The following MPRIP variants were observed in gnomAD, a reference collection of about 807,000 sequenced individuals.
MPRIP encodes myosin phosphatase Rho interacting protein.
MPRIP carries 59 observed loss-of-function variants against 234.9 expected under a neutral mutation model. That is an observed-to-expected ratio of 0.25 (90% CI 0.20 to 0.31). MPRIP has a LOEUF of 0.31. MPRIP is among the 10% of genes least tolerant of loss of function. MPRIP has a pLI of 1.00. For synonymous variants in MPRIP, 1,144 were observed against 1,263.9 expected (o/e 0.91, Z 2.01); for missense variants, 2,436 against 3,071.0 (o/e 0.79, Z 4.89).
chr17:17,056,565 C>T (rs889101875), intron 1 of MPRIP, among the ~76,000 whole-genome samples: 1 of 149,764 alleles, frequency 6.7e-6, no homozygotes, highest in Non-Finnish European at 1.5e-5. Context: ...GCCCTGCTGT[C>T]CCCGTGCTAT....
chr17:17,107,124 C>T (rs938068790), intron 3 of MPRIP, among the ~76,000 whole-genome samples: 7 of 152,250 alleles, frequency 4.6e-5, no homozygotes, highest in African/African-American at 1.4e-4. Context: ...CCTTTGGAAA[C>T]GTAGCCTGGA....
chr17:17,101,118 T>C (rs554159769), intron 3 of MPRIP, among the ~76,000 whole-genome samples: 38 of 152,286 alleles, frequency 2.5e-4, no homozygotes, highest in African/African-American at 8.9e-4. Flanking sequence ...AGGGGAACCT[T>C]CTGCCATGTC....
At chr17:17,070,628 G>T (rs2144003689) in intron 1 of MPRIP, among the ~76,000 whole-genome samples, 3 of 152,128 alleles carry the variant, frequency 2.0e-5, no homozygotes. Context: ...CTATTTCTTT[G>T]CTGTCTTTCC....
intron 8 of MPRIP, among the ~76,000 whole-genome samples, chr17:17,143,231 GTC>G (rs1202405475): frequency 6.6e-6 from 1 of 152,180 alleles, no homozygotes; most frequent in Non-Finnish European, 1.5e-5. Context: ...AGTGCCTACT[GTC>G]TGGCCCACAG....
At chr17:17,141,246 C>G (rs1415793343) in intron 7 of MPRIP, among the ~76,000 whole-genome samples, 1 of 152,208 alleles carries the variant, frequency 6.6e-6, no homozygotes, top group Non-Finnish European at 1.5e-5. Context: ...TTGAATCTCA[C>G]CAAGATCCCA....
chr17:17,142,352 CTG>C (rs1488983696), intron 7 of MPRIP: 1 of 356,840 alleles, frequency 2.8e-6, no homozygotes, highest in Non-Finnish European at 5.2e-6. Flanking sequence ...GGGTGCCAAG[CTG>C]TGTGAATGCC....
At chr17:17,099,984 C>T in intron 3 of MPRIP, among the ~76,000 whole-genome samples, 1 of 152,296 alleles carries the variant, frequency 6.6e-6, no homozygotes, top group East Asian at 1.9e-4. Flanking sequence ...CCTGATGTCA[C>T]TCGTGGCAGG....
chr17:17,060,961 G>T (rs2088850988), intron 1 of MPRIP, among the ~76,000 whole-genome samples: 1 of 152,212 alleles, frequency 6.6e-6, no homozygotes, highest in Non-Finnish European at 1.5e-5. Flanking sequence ...CAAGCCTGTG[G>T]CCTCTTGAGG....
At chr17:17,119,178 A>G (rs975102600) in intron 3 of MPRIP, among the ~76,000 whole-genome samples, 8 of 152,180 alleles carry the variant, frequency 5.3e-5, no homozygotes, top group African/African-American at 4.8e-5. Flanking sequence ...CTGAATTCCA[A>G]AGAAAGGAAG....
At chr17:17,121,620 G>A (rs2090390437) in intron 3 of MPRIP, among the ~76,000 whole-genome samples, 3 of 152,226 alleles carry the variant, frequency 2.0e-5, no homozygotes, top group African/African-American at 2.4e-5. Flanking sequence ...GGGGAAGGGG[G>A]AACACTGCAC....
intron 15 of MPRIP, among the ~76,000 whole-genome samples, chr17:17,162,821 C>G (rs1452757306): frequency 6.6e-6 from 1 of 152,206 alleles, no homozygotes; most frequent in Non-Finnish European, 1.5e-5. Context: ...ATTGGGGATG[C>G]TCACCCAGTA....
At chr17:17,161,163 T>C (rs527811838) in intron 14 of MPRIP, 77 bp from the exon 15 acceptor site, 1 of 995,204 alleles carries the variant, frequency 1.0e-6, no homozygotes, top group South Asian at 1.7e-5. Context: ...GGAAGACCAG[T>C]GAAAGAGTCT....
rs547585516 is a variant in MPRIP at position 17,153,313 on chromosome 17, G to T, written c.1720-993G>T. ...AAAACCATCCTCATGATTGCATCCTGCCGTCAGCTTCCCTACTGACCTGGC... is the reference window on the plus strand; with the variant it reads ...AAAACCATCCTCATGATTGCATCCTTCCGTCAGCTTCCCTACTGACCTGGC... On this transcript the variant is annotated intron_variant, in intron 12 of 23. Transcript: ENST00000651222. Among the ~76,000 whole-genome samples, 6 of 152,220 alleles carry T rather than the reference G, an allele frequency of 3.9e-5. No individual in the cohort carries two copies. The East Asian group carries it at 9.7e-4, about 25-fold the overall frequency.
intron 9 of MPRIP, among the ~76,000 whole-genome samples, chr17:17,144,715 G>A (rs1784468587): frequency 6.6e-6 from 1 of 152,214 alleles, no homozygotes; most frequent in Admixed American, 6.5e-5. Context: ...AATTAGCTGG[G>A]TGTGGTGTCG....
chr17:17,167,532 G>C lies in MPRIP; in HGVS notation c.5941G>C (p.Val1981Leu), dbSNP rs780168723. 3.8e-6 allele frequency: 5 copies of C among 1,304,156 alleles called. No homozygotes were observed. Among genetic ancestry groups the C allele is most frequent in the Non-Finnish European group, 4.0e-6 (4 of 988,970 alleles). The allele number at this position is 1,304,156 out of a possible 1,614,324, so 80.8% of individuals were successfully genotyped here. A position where few individuals can be genotyped will look rare whatever the true frequency, so the allele number is the denominator to read the frequency against. The part of the protein sequence containing the change: ...SRVLSQLDAS[V>L]RDRQDMERHH... ...GGTCCTGAGCCAGCTGGATGCCTCG[G>C]TCAGAGACAGGCAGGACATGGAGAG... Residue 1981 changes from valine to leucine, a missense_variant, in exon 16 of 24, where the codon GTC (valine) becomes CTC (leucine). By Grantham distance (32) the Val-to-Leu change is conservative. Transcript: ENST00000651222. This position sits in a 1 kb window ranked among gnomAD's most constrained non-coding sequence, Gnocchi z 5.9.
intron 20 of MPRIP, among the ~76,000 whole-genome samples, chr17:17,175,789 A>C (rs1462152411): frequency 6.6e-6 from 1 of 152,266 alleles, no homozygotes; most frequent in African/African-American, 2.4e-5. Flanking sequence ...TCTGGAGTAT[A>C]GGGTGTCCTT....
rs1223561775 is a variant in MPRIP, at chr17:17,146,167, C to T, written c.1560+75C>T. On this transcript the variant is annotated intron_variant, in intron 10 of 23. Coordinates refer to ENST00000651222, the MANE Select transcript of MPRIP (RefSeq NM_001364716.4). ...AGGGTGAGCTGTCCTTGTCCCCAGC[C>T]AGTCTGCAAGTGCTGGCTCCATGCC... 3 of 1,403,626 alleles carry T rather than the reference C, an allele frequency of 2.1e-6. No individual in the cohort carries two copies. The East Asian group carries it at 6.9e-5, about 32-fold the overall frequency. The allele number at this position is 1,403,626 out of a possible 1,614,324, so 86.9% of individuals were successfully genotyped here. A position where few individuals can be genotyped will look rare whatever the true frequency, so the allele number is the denominator to read the frequency against.
chr17:17,064,141 G>C (rs2088948682), intron 1 of MPRIP, among the ~76,000 whole-genome samples: 1 of 152,256 alleles, frequency 6.6e-6, no homozygotes, highest in East Asian at 1.9e-4. Flanking sequence ...ATACCCTGTA[G>C]ACCCCTGAGG....
intron 9 of MPRIP, among the ~76,000 whole-genome samples, chr17:17,144,724 C>T (rs1389629073): frequency 1.3e-5 from 2 of 152,144 alleles, no homozygotes; most frequent in Non-Finnish European, 1.5e-5. Flanking sequence ...GGTGTGGTGT[C>T]GCGCTCCTGT....
Sources: allele counts gnomAD v4.1 joint callset (sites outside exome capture counted in the v4.1 genomes callset), GRCh38; gene constraint gnomAD v4.1.1; non-coding constraint Gnocchi (gnomAD v3.1); transcripts MANE v1.5; gene names NCBI Gene and HGNC (gene_info 2026-07-23, HGNC 2026-07-21).